Variants in TEP1 observed in about 807,000 individuals in gnomAD.
TEP1 encodes the protein telomerase associated protein 1.
TEP1 carries 241 observed loss-of-function variants against 306.3 expected under a neutral mutation model. The ratio of observed to expected loss-of-function variants is 0.79; its 90% CI spans 0.71 to 0.88. The LOEUF is 0.88. Ranked by LOEUF, TEP1 falls within the 40% of genes least tolerant of loss-of-function variation. TEP1 has a pLI of 0.00. For synonymous variants in TEP1, 1,289 were observed against 1,305.5 expected (o/e 0.99, Z 0.27); for missense variants, 3,051 against 3,276.1 (o/e 0.93, Z 1.68).
rs1878944112 is a variant in TEP1 at position 20,403,724 on chromosome 14, G to A, written c.1193C>T (p.Pro398Leu). The change falls in exon 6 of 55, where the codon CCA becomes CTA. Residue 398 changes from proline (P) to leucine (L), a missense_variant and splice_region_variant. Physicochemically the swap from Pro to Leu is moderately conservative, Grantham distance 98 (BLOSUM62 -3). Coordinates refer to ENST00000262715, the MANE Select transcript of TEP1 (RefSeq NM_007110.5). ...TCGAGGGCTGGGGCAGTGACTGACT[G>A]GAGAGCGGGGTGGCCGGCGGGGGTG... ...KRHPRRPPRS[P>L]GMEPPFSHRC... is the part of the protein sequence containing the mutation. The A allele has an allele frequency of 4.3e-6, 7 of 1,613,568 alleles. No homozygotes were observed. The highest frequency in any genetic ancestry group is 4.2e-6 in the Non-Finnish European group (5 of 1,180,024).
At position 20,378,518 on chromosome 14, in the gene TEP1, A is replaced by G; in HGVS notation, c.5370T>C (p.Arg1790=). ...AGGTGTGCTGGAAGGCCAGCTGCCC[A>G]CGGACTGTGTCCCACAGCTGAGGGA... The part of the protein sequence containing the change: ...GGCLKLWDTV[R]GQLAFQHTYP... Residue 1790 remains arginine, a synonymous_variant, in exon 38 of 55, where the codon CGT becomes CGC. Coordinates refer to ENST00000262715, the MANE Select transcript of TEP1 (RefSeq NM_007110.5). 1 of 1,614,232 alleles carries G rather than the reference A, an allele frequency of 6.2e-7. No homozygotes were observed. Among genetic ancestry groups the G allele is most frequent in the Non-Finnish European group, 8.5e-7 (1 of 1,180,036 alleles).
chr14:20,378,454 C>T lies in TEP1; in HGVS notation c.5434G>A (p.Gly1812Arg). 6.2e-7 allele frequency: 1 copy of T among 1,614,212 alleles called. No individual in the cohort carries two copies. The highest frequency in any genetic ancestry group is 8.5e-7 in the Non-Finnish European group (1 of 1,180,048). Reference sequence around the variant, plus strand: ...CAGCTGCCTGTGGCTATTACCTGCCCCTCTGGGTGGAAGGCAACACAGTTC... The same window carrying T: ...CAGCTGCCTGTGGCTATTACCTGCCTCTCTGGGTGGAAGGCAACACAGTTC... ...SLNCVAFHPE[G>R]QVIATGSWAG... The change falls in exon 38 of 55, where the codon GGG becomes AGG. Residue 1812 changes from glycine (G) to arginine (R), a missense_variant. Gly to Arg is a moderately radical substitution (Grantham distance 125, BLOSUM62 -2). Coordinates refer to ENST00000262715, the MANE Select transcript of TEP1 (RefSeq NM_007110.5).
chr14:20,394,721 A>G (rs866506252), intron 12 of TEP1, among the ~76,000 whole-genome samples: 4 of 151,762 alleles, frequency 2.6e-5, no homozygotes, highest in Middle Eastern at 6.8e-3. Context: ...CTCATGATCC[A>G]CCTGCCTCGT....
chr14:20,391,158 C>T, intron 13 of TEP1, 62 bp from the exon 14 acceptor site: 1 of 1,573,584 alleles, frequency 6.4e-7, no homozygotes, highest in Non-Finnish European at 8.7e-7. Flanking sequence ...CCTTGCCCAG[C>T]CAGCCCTGGA....
At position 20,391,774 on chromosome 14, in the gene TEP1, G is replaced by A; in HGVS notation, c.1929-7C>T. The A allele has an allele frequency of 6.2e-7, 1 of 1,613,412 alleles. No individual in the cohort carries two copies. Among genetic ancestry groups the A allele is most frequent in the Admixed American group, 1.7e-5 (1 of 59,984 alleles). On this transcript the variant is annotated splice_region_variant and splice_polypyrimidine_tract_variant and intron_variant, in intron 12 of 54. Transcript: ENST00000262715. ...ACCATCATATTTCCACTGTCTACAT[G>A]CAAGAAAGACACAGACACAGGGGCT... is the stretch of plus-strand genomic sequence containing the variant.
Position 20,378,760 on chromosome 14 carries a change from G to C in TEP1, c.5346C>G (p.Cys1782Trp), listed in dbSNP as rs1885352219. 1.9e-6 allele frequency: 3 copies of C among 1,614,084 alleles called. No individual in the cohort carries two copies. The highest frequency in any genetic ancestry group is 2.5e-6 in the Non-Finnish European group (3 of 1,179,980). Residue 1782 changes from cysteine to tryptophan, a missense_variant, in exon 37 of 55, where the codon TGC (cysteine) becomes TGG (tryptophan). Coordinates refer to ENST00000262715, the MANE Select transcript of TEP1 (RefSeq NM_007110.5). ...TGCAGACCCCAAGTCTTACCTTTAG[G>C]CATCCTCCCAAGCACACGGTGGCTA... is the stretch of plus-strand genomic sequence containing the variant. ...RLLATVCLGG[C>W]LKLWDTVRGQ...
Position 20,373,683 on chromosome 14 carries a change from C to T in TEP1, c.6599G>A (p.Arg2200His), listed in dbSNP as rs142740802. 37 of 1,613,994 alleles carry T rather than the reference C, an allele frequency of 2.3e-5. No individual in the cohort carries two copies. Among genetic ancestry groups the T allele is most frequent in the Admixed American group, 1.3e-4 (8 of 59,992 alleles). Residue 2200 changes from arginine (R) to histidine (H), a missense_variant, in exon 45 of 55, where the codon CGT (arginine) becomes CAT (histidine). By Grantham distance (29) the Arg-to-His change is conservative (BLOSUM62 0). This residue lies in a region of TEP1 where 1,540 missense variants were observed against 1,705.9 expected (regional missense o/e 0.90). Coordinates refer to ENST00000262715, the MANE Select transcript of TEP1 (RefSeq NM_007110.5). ...ISHCAAAMEP[R>H]AAGQPGSELL... ...GGTGGCTGACGTTTTGTTACCTGCA[C>T]GGGGCTCCATGGCAGCTGCACAGTG...
chr14:20,384,479 G>A lies in TEP1; in HGVS notation c.3251C>T (p.Ala1084Val). ...CAGCCCGCCAACATAGGGCCGGCCAGCTGCCACACCCCCCCACTCACAGGG... is the reference window on the plus strand; with the variant it reads ...CAGCCCGCCAACATAGGGCCGGCCAACTGCCACACCCCCCCACTCACAGGG... ...RYPCEWGGVAAGRPYVGGLEE... is the reference protein window; with the variant it reads ...RYPCEWGGVAVGRPYVGGLEE... The change falls in exon 23 of 55, where the codon GCT becomes GTT. Residue 1084 changes from alanine (A) to valine (V), a missense_variant. Physicochemically the swap from Ala to Val is moderately conservative, Grantham distance 64. This residue lies in a region of TEP1 where 1,507 missense variants were observed against 1,550.5 expected (regional missense o/e 0.97). Transcript: ENST00000262715. The A allele has an allele frequency of 1.2e-6, 2 of 1,614,044 alleles. No homozygotes were observed. The highest frequency in any genetic ancestry group is 1.7e-6 in the Non-Finnish European group (2 of 1,180,008).
At chr14:20,402,779 G>C (rs1355797065) in intron 7 of TEP1, among the ~76,000 whole-genome samples, 1 of 152,064 alleles carries the variant, frequency 6.6e-6, no homozygotes, top group Admixed American at 6.6e-5. Flanking sequence ...TGTTTGGTTT[G>C]TTTTTAAAAC....
At position 20,373,420 on chromosome 14, in the gene TEP1, A is replaced by G; in HGVS notation, c.6682-18T>C. The G allele has an allele frequency of 3.7e-6, 6 of 1,614,062 alleles. No individual in the cohort carries two copies. Among genetic ancestry groups the G allele is most frequent in the Non-Finnish European group, 5.1e-6 (6 of 1,179,964 alleles). ...TGGCACACCTAGGAGGAAGGGATGG[A>G]GATGGGCTCATGAGAGTGGGCACAA... is the stretch of plus-strand genomic sequence containing the variant. On this transcript the variant is annotated intron_variant, in intron 46 of 54. Coordinates refer to ENST00000262715, the MANE Select transcript of TEP1 (RefSeq NM_007110.5).
Position 20,381,009 on chromosome 14 carries a change from G to A in TEP1, c.4684C>T (p.Leu1562Phe), listed in dbSNP as rs763470035. 4 of 1,614,120 alleles carry A rather than the reference G, an allele frequency of 2.5e-6. No individual in the cohort carries two copies. The highest frequency in any genetic ancestry group is 3.4e-6 in the Non-Finnish European group (4 of 1,180,012). Residue 1562 changes from leucine to phenylalanine, a missense_variant, in exon 33 of 55, where the codon CTT (leucine) becomes TTT (phenylalanine). By Grantham distance (22) the Leu-to-Phe change is conservative. This residue lies in a region of TEP1 where 1,540 missense variants were observed against 1,705.9 expected (regional missense o/e 0.90). Coordinates refer to ENST00000262715, the MANE Select transcript of TEP1 (RefSeq NM_007110.5). This position sits in a 1 kb window ranked among gnomAD's most constrained non-coding sequence, Gnocchi z 4.0. ...SGNRGLLSKF[L>F]TNLHVVAAHL... ...GCAGCCACCACATGGAGGTTGGTAAGGAACTTCGAAAGAAGTCCACGGTTC... is the reference window on the plus strand; with the variant it reads ...GCAGCCACCACATGGAGGTTGGTAAAGAACTTCGAAAGAAGTCCACGGTTC...
chr14:20,383,567 A>G lies in TEP1; in HGVS notation c.3788T>C (p.Leu1263Pro), dbSNP rs1876791069. The change falls in exon 26 of 55, where the codon CTG (leucine) becomes CCG (proline). Residue 1263 changes from leucine (L) to proline (P), a missense_variant. Around this residue, in one of 3 missense-constraint regions of TEP1, gnomAD observed 1,540 missense variants for 1,705.9 expected, o/e 0.90. Transcript: ENST00000262715. ...TAACCTATCAGCCCCATCGATGATC[A>G]GGACCTGGGTCTGGCCAGGATGCAG... ...ESLHPGQTQV[L>P]IIDGADRLVD... The G allele has an allele frequency of 1.2e-6, 2 of 1,614,204 alleles. No homozygotes were observed. Among genetic ancestry groups the G allele is most frequent in the Non-Finnish European group, 1.7e-6 (2 of 1,180,028 alleles).
In TEP1 at chr14:20,408,064, G is replaced by C. The variant is rs1254985175; in HGVS notation, c.376C>G (p.Pro126Ala). 1 of 1,614,048 alleles carries C rather than the reference G, an allele frequency of 6.2e-7. No homozygotes were observed. Among genetic ancestry groups the C allele is most frequent in the African/African-American group, 1.3e-5 (1 of 74,920 alleles). The change falls in exon 2 of 55, where the codon CCC becomes GCC. Residue 126 changes from proline to alanine, a missense_variant. Around this residue, in one of 3 missense-constraint regions of TEP1, gnomAD observed 1,507 missense variants for 1,550.5 expected, o/e 0.97. Coordinates refer to ENST00000262715, the MANE Select transcript of TEP1 (RefSeq NM_007110.5). ...SSLKSTVSAS[P>A]LFQSLQISHM... ...GATATCTGTAGACTCTGGAACAAGG[G>C]GCTGGCAGACACAGTGCTCTTTAGA...
At position 20,384,641 on chromosome 14, in the gene TEP1, C is replaced by G. The variant is rs150481718; in HGVS notation, c.3180G>C (p.Leu1060=). The G allele has an allele frequency of 4.7e-5, 76 of 1,614,064 alleles. No homozygotes were observed. The Middle Eastern group carries it at 4.9e-4, about 11-fold the overall frequency. ...SEEAARRISE[L]KSYLSRQKGI... ...CTTTCTGTCTGCTTAGGTAGCTCTTCAGTTCTGAGATCCGACGTGCGGCCT... is the reference window on the plus strand; with the variant it reads ...CTTTCTGTCTGCTTAGGTAGCTCTTGAGTTCTGAGATCCGACGTGCGGCCT... Residue 1060 remains leucine, a synonymous_variant, in exon 22 of 55, where the codon CTG becomes CTC. Transcript: ENST00000262715.
chr14:20,372,711 T>A, intron 49 of TEP1, 22 bp downstream of exon 49: 2 of 1,614,020 alleles, frequency 1.2e-6, no homozygotes, highest in Admixed American at 1.7e-5. Context: ...TTCTATCCCA[T>A]TAACCCATCA....
At position 20,376,143 on chromosome 14, in the gene TEP1, G is replaced by A; in HGVS notation, c.6210C>T (p.Ser2070=). Residue 2070 remains serine (S), a synonymous_variant, in exon 42 of 55, where the codon AGC becomes AGT. Coordinates refer to ENST00000262715, the MANE Select transcript of TEP1 (RefSeq NM_007110.5). ...CGGTGGCCAGGCTGCCTCCATCAGT[G>A]CTGAAACTACAGCAGCTCACAGGGC... ...HEGPVSCCSF[S]TDGGSLATGG... The A allele has an allele frequency of 6.2e-7, 1 of 1,614,182 alleles. No individual in the cohort carries two copies. Among genetic ancestry groups the A allele is most frequent in the Non-Finnish European group, 8.5e-7 (1 of 1,180,034 alleles).
In TEP1 at chr14:20,374,482, G is replaced by T. The variant is rs368077042; in HGVS notation, c.6418C>A (p.Arg2140=). ...TGATGACCCAGGAACTGACCAAGCC[G>T]CTGTCCTGACTCTGGGTCCCAGAGC... The part of the protein sequence containing the change: ...VGLWDPESGQ[R]LGQFLGHQSA... The change falls in exon 44 of 55, where the codon CGG becomes AGG. Residue 2140 remains arginine (R), a synonymous_variant. Transcript: ENST00000262715. 2.5e-6 allele frequency: 4 copies of T among 1,613,378 alleles called. No homozygotes were observed. Among genetic ancestry groups the T allele is most frequent in the Non-Finnish European group, 3.4e-6 (4 of 1,179,938 alleles).
intron 35 of TEP1, among the ~76,000 whole-genome samples, 199 bp downstream of exon 35, chr14:20,379,731 C>A (rs886332491): frequency 1.2e-4 from 18 of 152,226 alleles, no homozygotes; most frequent in African/African-American, 4.3e-4. Flanking sequence ...ACGCTTAGCA[C>A]AGTGCCTTAA....
chr14:20,381,398 T>A lies in TEP1; in HGVS notation c.4562A>T (p.Gln1521Leu), dbSNP rs770889621. The change falls in exon 32 of 55, where the codon CAG becomes CTG. Residue 1521 changes from glutamine (Q) to leucine (L), a missense_variant. Coordinates refer to ENST00000262715, the MANE Select transcript of TEP1 (RefSeq NM_007110.5). This position sits in a 1 kb window ranked among gnomAD's most constrained non-coding sequence, Gnocchi z 4.0. ...ATCAGCGTCACATGTCTTCCAGAGC[T>A]GAGCTGCATGAACAGATATTGAGAA... ...EDTAHILIAA[Q>L]LWKTCDADAS... 6.2e-7 allele frequency: 1 copy of A among 1,614,132 alleles called. No individual in the cohort carries two copies. The highest frequency in any genetic ancestry group is 1.1e-5 in the South Asian group (1 of 91,090).
Sources: gnomAD v4.1 joint callset for allele counts (sites outside exome capture counted in the v4.1 genomes callset) on GRCh38, gnomAD v4.1.1 for gene constraint, gnomAD v4.1.1 regional missense constraint, Gnocchi (gnomAD v3.1) non-coding constraint, MANE v1.5 for transcripts, NCBI Gene and HGNC (gene_info 2026-07-23, HGNC 2026-07-21) for gene names.